NR1H4: variants seen among roughly 807,000 people sequenced by gnomAD.
NR1H4 encodes the protein bile acid receptor.
A neutral mutation model predicts 58.5 loss-of-function variants in NR1H4; 23 were observed. The observed-to-expected ratio is 0.39, with a 90% CI of 0.28 to 0.56. The LOEUF is 0.56. Among genes scored for constraint, NR1H4 ranks in the 20% least tolerant of loss-of-function variants. The pLI, the probability that NR1H4 is intolerant of heterozygous loss-of-function variation, is 0.58. For missense variants in NR1H4, 487 were observed against 576.9 expected, an observed-to-expected ratio of 0.84 and a Z score of 1.60; for synonymous variants, 214 against 198.0, an observed-to-expected ratio of 1.08 and a Z score of -0.68.
intron 9 of NR1H4, among the ~76,000 whole-genome samples, chr12:100,547,452 C>T (rs1488501765): frequency 6.6e-6 from 1 of 152,090 alleles, no homozygotes; most frequent in Non-Finnish European, 1.5e-5. Context: ...GGCACACCTT[C>T]CCTTTAAAGG....
At chr12:100,508,287 C>A (rs1484852855) in intron 3 of NR1H4, among the ~76,000 whole-genome samples, 2 of 151,966 alleles carry the variant, frequency 1.3e-5, no homozygotes, top group African/African-American at 2.4e-5. Context: ...CGGCAAGGCA[C>A]ATTCAAGAAA....
chr12:100,496,145 C>T (rs550430586), intron 3 of NR1H4, among the ~76,000 whole-genome samples: 2 of 152,182 alleles, frequency 1.3e-5, no homozygotes, highest in South Asian at 4.2e-4. Flanking sequence ...ATACGCTGGG[C>T]CTTGGAATAA....
chr12:100,480,488 T>G (rs2136069435), intron 1 of NR1H4, among the ~76,000 whole-genome samples: 1 of 152,204 alleles, frequency 6.6e-6, no homozygotes, highest in African/African-American at 2.4e-5. Flanking sequence ...CAGGAGACAG[T>G]GTTACTGATT....
intron 9 of NR1H4, among the ~76,000 whole-genome samples, chr12:100,559,920 T>C (rs984398924): frequency 6.6e-6 from 1 of 152,176 alleles, no homozygotes; most frequent in Non-Finnish European, 1.5e-5. Context: ...ACCCTGTGTC[T>C]AGCTCAAGGT....
intron 9 of NR1H4, among the ~76,000 whole-genome samples, chr12:100,543,046 TGA>T (rs1954974131): frequency 6.6e-6 from 1 of 152,092 alleles, no homozygotes; most frequent in African/African-American, 2.4e-5. Flanking sequence ...GACTCCTAGT[TGA>T]GAGAGCTCCG....
At chr12:100,525,910 G>A (rs1954543873) in intron 4 of NR1H4, among the ~76,000 whole-genome samples, 1 of 152,098 alleles carries the variant, frequency 6.6e-6, no homozygotes, top group Non-Finnish European at 1.5e-5. Flanking sequence ...TAGCAGGCTT[G>A]GAGTTGTTCA....
chr12:100,550,748 A>G (rs1419491107), intron 9 of NR1H4, among the ~76,000 whole-genome samples: 1 of 152,240 alleles, frequency 6.6e-6, no homozygotes, highest in Non-Finnish European at 1.5e-5. Flanking sequence ...TCAAATATAA[A>G]TAATCCCTGA....
At chr12:100,544,929 T>C (rs1397161028) in intron 9 of NR1H4, among the ~76,000 whole-genome samples, 7 of 152,128 alleles carry the variant, frequency 4.6e-5, no homozygotes, top group Non-Finnish European at 1.0e-4. Context: ...GGAAGTTCTG[T>C]TGTGTTCTCT....
rs117896928 is a variant in NR1H4 at position 100,496,173 on chromosome 12, G to A, written c.79+2771G>A. Among the ~76,000 whole-genome samples, 259 of 152,264 alleles carry A rather than the reference G, an allele frequency of 1.7e-3. 6 individuals carry two copies. The highest frequency in any genetic ancestry group is 3.4e-3 in the Middle Eastern group (1 of 294). The stretch of plus-strand genomic sequence containing the variant: ...TGGAATAAAGCAGAGAATAGGACAG[G>A]CAAGATCCTAGTAGAAAGCAAACTC... On this transcript the variant is annotated intron_variant, in intron 3 of 10. Transcript: ENST00000392986.
At chr12:100,562,063 T>A in intron 10 of NR1H4, 65 bp downstream of exon 10, 1 of 802,580 alleles carries the variant, frequency 1.2e-6, no homozygotes. Context: ...ATAACGTTTA[T>A]TGAAAAAAAT....
At chr12:100,557,386 G>T (rs1034949542) in intron 9 of NR1H4, among the ~76,000 whole-genome samples, 3 of 152,170 alleles carry the variant, frequency 2.0e-5, no homozygotes, top group Non-Finnish European at 4.4e-5. Flanking sequence ...CATTCATGAG[G>T]GGTCTACCCC....
At chr12:100,553,059 A>C (rs1019966151) in intron 9 of NR1H4, among the ~76,000 whole-genome samples, 1 of 151,892 alleles carries the variant, frequency 6.6e-6, no homozygotes, top group African/African-American at 2.4e-5. Context: ...AGTGCAGTGC[A>C]GCGATCTTAG....
intron 4 of NR1H4, among the ~76,000 whole-genome samples, chr12:100,516,496 A>G (rs1954269214): frequency 6.6e-6 from 1 of 151,944 alleles, no homozygotes; most frequent in South Asian, 2.1e-4. Context: ...CCTCCCGAGT[A>G]GCTGGGACTA....
At chr12:100,561,768 T>C in intron 9 of NR1H4, 117 bp from the exon 10 acceptor site, 1 of 649,332 alleles carries the variant, frequency 1.5e-6, no homozygotes. Flanking sequence ...ATAGTCATTA[T>C]TTGAATGTGT....
intron 3 of NR1H4, among the ~76,000 whole-genome samples, chr12:100,494,223 G>T (rs1039102629): frequency 6.6e-6 from 1 of 152,112 alleles, no homozygotes; most frequent in Non-Finnish European, 1.5e-5. Context: ...CCGCTTATTT[G>T]GTTGCTGATA....
At chr12:100,524,730 C>T (rs1429551919) in intron 4 of NR1H4, among the ~76,000 whole-genome samples, 1 of 152,240 alleles carries the variant, frequency 6.6e-6, no homozygotes, top group African/African-American at 2.4e-5. Flanking sequence ...CTCCTAGAGG[C>T]AACCCCTAAG....
At chr12:100,529,660 C>T (rs915564397) in intron 4 of NR1H4, among the ~76,000 whole-genome samples, 2 of 152,160 alleles carry the variant, frequency 1.3e-5, no homozygotes, top group African/African-American at 4.8e-5. Context: ...TTTCCTCCCT[C>T]ATGGTCCATG....
At chr12:100,552,626 G>A (rs943999421) in intron 9 of NR1H4, among the ~76,000 whole-genome samples, 4 of 152,110 alleles carry the variant, frequency 2.6e-5, no homozygotes, top group African/African-American at 7.2e-5. Context: ...ATGCAGAGGT[G>A]AATAAGAAAT....
chr12:100,518,972 G>A (rs1954340210), intron 4 of NR1H4, among the ~76,000 whole-genome samples: 1 of 151,878 alleles, frequency 6.6e-6, no homozygotes, highest in African/African-American at 2.4e-5. Flanking sequence ...ATTTTTAGTA[G>A]AGACGGGGTT....
Sources: allele counts gnomAD v4.1 joint callset (sites outside exome capture counted in the v4.1 genomes callset), GRCh38; gene constraint gnomAD v4.1.1; transcripts MANE v1.5; gene names NCBI Gene and HGNC (gene_info 2026-07-23, HGNC 2026-07-21).